FBN3: variants seen among roughly 807,000 people sequenced by gnomAD.
The protein encoded by FBN3 is fibrillin 3.
In FBN3, 234 loss-of-function variants were observed where a neutral mutation model predicts 330.1. The ratio of observed to expected loss-of-function variants is 0.71; its 90% CI spans 0.64 to 0.79. The LOEUF (loss-of-function observed/expected upper bound fraction) is 0.79. Among genes scored for constraint, FBN3 ranks in the 30% least tolerant of loss-of-function variants. The probability of loss-of-function intolerance (pLI) is 0.00; values close to 1 mark genes in which losing one functional copy is unlikely to be tolerated. For synonymous variants in FBN3, 1,458 were observed against 1,517.3 expected, an observed-to-expected ratio of 0.96 and a Z score of 0.91; for missense variants, 3,606 against 3,886.9, an observed-to-expected ratio of 0.93 and a Z score of 1.92.
Position 8,129,187 on chromosome 19 carries a change from G to A in FBN3, c.2171-34C>T, listed in dbSNP as rs1366306595. ...TGGGGGTGGGAGAGAGGGGTGAGGG[G>A]TCTGCAGTGGGAGAGGCTGCCCACA... On this transcript the variant is annotated intron_variant, in intron 17 of 63. Transcript: ENST00000600128. This position sits in a 1 kb window ranked among gnomAD's most constrained non-coding sequence, Gnocchi z 4.5. 6.2e-7 allele frequency: 1 copy of A among 1,611,962 alleles called. No individual in the cohort carries two copies. Among genetic ancestry groups the A allele is most frequent in the African/African-American group, 1.3e-5 (1 of 74,880 alleles).
chr19:8,115,270 A>T (rs981732466), intron 30 of FBN3, among the ~76,000 whole-genome samples: 2 of 152,216 alleles, frequency 1.3e-5, no homozygotes, highest in African/African-American at 4.8e-5. Context: ...GCATCAAATT[A>T]TGAGGGATTC....
intron 55 of FBN3, 124 bp from the exon 56 acceptor site, chr19:8,085,693 T>G: frequency 5.7e-6 from 4 of 696,594 alleles, no homozygotes; most frequent in Middle Eastern, 3.9e-4. Context: ...CAGGAGGGAG[T>G]TGGATACACA....
At chr19:8,111,485 G>T (rs528992684) in intron 32 of FBN3, among the ~76,000 whole-genome samples, 163 bp downstream of exon 32, 2 of 152,110 alleles carry the variant, frequency 1.3e-5, no homozygotes, top group African/African-American at 2.4e-5. Flanking sequence ...CCGTGGGCAG[G>T]CCGCAGCACC....
chr19:8,075,374 A>G lies in FBN3; in HGVS notation c.7491T>C (p.Gly2497=). 2 of 1,614,092 alleles carry G rather than the reference A, an allele frequency of 1.2e-6. No homozygotes were observed. Among genetic ancestry groups the G allele is most frequent in the South Asian group, 2.2e-5 (2 of 91,088 alleles). Residue 2497 remains glycine (G), a synonymous_variant, in exon 60 of 64, where the codon GGT becomes GGC. Coordinates refer to ENST00000600128, the MANE Select transcript of FBN3 (RefSeq NM_032447.5). ...DECSAQPGPC[G]AHGHCHNTPG... Reference sequence around the variant, plus strand: ...GGGTGTTGTGGCAGTGCCCGTGGGCACCACATGGGCCAGGCTGGGCTGAGC... The same window carrying G: ...GGGTGTTGTGGCAGTGCCCGTGGGCGCCACATGGGCCAGGCTGGGCTGAGC...
intron 41 of FBN3, among the ~76,000 whole-genome samples, chr19:8,099,571 C>T (rs1282816623): frequency 1.3e-5 from 2 of 151,932 alleles, no homozygotes; most frequent in East Asian, 1.9e-4. Flanking sequence ...TGAGCCACCA[C>T]GCCCGGCCGC....
chr19:8,106,869 T>C (rs935721614), intron 37 of FBN3, among the ~76,000 whole-genome samples: 5 of 149,806 alleles, frequency 3.3e-5, no homozygotes, highest in African/African-American at 1.2e-4. Context: ...GATGGATGGA[T>C]GTATTGAGGA....
intron 29 of FBN3, among the ~76,000 whole-genome samples, chr19:8,115,989 C>A (rs1203037385): frequency 6.6e-6 from 1 of 152,098 alleles, no homozygotes; most frequent in Non-Finnish European, 1.5e-5. Context: ...TGCCAATATG[C>A]ACAGTGGGTC....
rs1020413509 is a variant in FBN3, at chr19:8,142,152, G to A, written c.542-15C>T. The A allele has an allele frequency of 1.9e-6, 3 of 1,591,678 alleles. No individual in the cohort carries two copies. The highest frequency in any genetic ancestry group is 1.7e-5 in the Admixed American group (1 of 58,836). ...CGTCCGGTAATCTGCAGGGCAGACA[G>A]ATGTGGGTACCTGGCTGAGGGCTGC... On this transcript the variant is annotated splice_polypyrimidine_tract_variant and intron_variant, in intron 6 of 63. Transcript: ENST00000600128.
intron 16 of FBN3, among the ~76,000 whole-genome samples, chr19:8,130,632 G>GA (rs1209641703): frequency 5.2e-4 from 1 of 1,936 alleles, no homozygotes; most frequent in Admixed American, 2.6e-3. Context: ...AAGAAAGAAA[G>GA]AAAGAAAGAA....
In FBN3 at chr19:8,131,530, G is replaced by A. The variant is rs199539738; in HGVS notation, c.1990+24C>T. On this transcript the variant is annotated intron_variant, in intron 15 of 63. Coordinates refer to ENST00000600128, the MANE Select transcript of FBN3 (RefSeq NM_032447.5). This position sits in a 1 kb window ranked among gnomAD's most constrained non-coding sequence, Gnocchi z 4.5. ...AGGCATTCAGACCAAGGAGGCGATG[G>A]GGACCGGGCAGCCGGATGCTCACCG... 3.2e-4 allele frequency: 499 copies of A among 1,584,056 alleles called. 7 individuals are homozygous for A. The East Asian group carries it at 0.01, about 32-fold the overall frequency.
intron 24 of FBN3, 148 bp downstream of exon 24, chr19:8,123,316 T>C: frequency 1.2e-6 from 1 of 852,116 alleles, no homozygotes; most frequent in Non-Finnish European, 1.7e-6. Flanking sequence ...ATCGTGCCAT[T>C]GCACTCCAGC....
Position 8,097,332 on chromosome 19 carries a change from G to T in FBN3, c.5244C>A (p.Cys1748Ter). 1 of 1,609,976 alleles carries T rather than the reference G, an allele frequency of 6.2e-7. No homozygotes were observed. The highest frequency in any genetic ancestry group is 8.5e-7 in the Non-Finnish European group (1 of 1,177,422). Residue 1748 changes from cysteine (C) to a stop codon, truncating the protein, a stop_gained, in exon 42 of 64, where the codon TGC (cysteine) becomes TGA (stop). Coordinates refer to ENST00000600128, the MANE Select transcript of FBN3 (RefSeq NM_032447.5). LOFTEE classifies it high-confidence loss of function. ...TGCTGTTGTAGTTGAAGCCTGCGGG[G>T]CACTCGCAGCGGAAACTCCCGATCT... Reference protein sequence around the residue: ...INQIGSFRCECPAGFNYNSIL... With the variant: ...INQIGSFRCE
chr19:8,137,385 TGGAGCCTAGATCCCTCCAACC>T (rs1268163469), intron 10 of FBN3, among the ~76,000 whole-genome samples: 3 of 151,888 alleles, frequency 2.0e-5, no homozygotes, highest in Non-Finnish European at 4.4e-5. Flanking sequence ...CCCTCCAACC[TGGAGCCTAGATCCCTCCAACC>T]TGGGGCCTAG....
chr19:8,110,557 G>A (rs1287277756), intron 34 of FBN3, among the ~76,000 whole-genome samples: 1 of 152,178 alleles, frequency 6.6e-6, no homozygotes, highest in Non-Finnish European at 1.5e-5. Flanking sequence ...TGACTGTGTG[G>A]CCTGCAAAGC....
In FBN3 at chr19:8,081,123, C is replaced by A; in HGVS notation, c.7337-4G>T. 6.2e-7 allele frequency: 1 copy of A among 1,611,806 alleles called. No homozygotes were observed. On this transcript the variant is annotated splice_region_variant and splice_polypyrimidine_tract_variant and intron_variant, in intron 58 of 63. Transcript: ENST00000600128. ...CGGGAGGTGCATTCGTCCAGGTCTGCAGCACGGATGGTCCAGCAGGCTCAG... is the reference window on the plus strand; with the variant it reads ...CGGGAGGTGCATTCGTCCAGGTCTGAAGCACGGATGGTCCAGCAGGCTCAG...
intron 53 of FBN3, 149 bp downstream of exon 53, chr19:8,087,676 G>C: frequency 3.4e-6 from 2 of 579,784 alleles, no homozygotes; most frequent in Non-Finnish European, 6.1e-6. Flanking sequence ...GCATGATCTC[G>C]GCTCACTGCA....
chr19:8,087,017 C>T (rs2081978157), intron 54 of FBN3, 60 bp downstream of exon 54: 1 of 1,570,112 alleles, frequency 6.4e-7, no homozygotes, highest in Non-Finnish European at 8.6e-7. Flanking sequence ...AACCCTCTTG[C>T]TTTGACCTCT....
At chr19:8,075,897 G>A (rs771893351) in intron 59 of FBN3, among the ~76,000 whole-genome samples, 3 of 152,152 alleles carry the variant, frequency 2.0e-5, no homozygotes, top group African/African-American at 4.8e-5. Flanking sequence ...GAGGTCAGCC[G>A]GTGCCATGGA....
chr19:8,075,208 G>A lies in FBN3; in HGVS notation c.7583-18C>T. On this transcript the variant is annotated intron_variant, in intron 60 of 63. Coordinates refer to ENST00000600128, the MANE Select transcript of FBN3 (RefSeq NM_032447.5). ...ATTCACATCTGAGACATAGAGAGAGGGAGAGAGGGTTTACCAGACGGCTCT... is the reference window on the plus strand; with the variant it reads ...ATTCACATCTGAGACATAGAGAGAGAGAGAGAGGGTTTACCAGACGGCTCT... 1 of 1,570,824 alleles carries A rather than the reference G, an allele frequency of 6.4e-7. No homozygotes were observed. The highest frequency in any genetic ancestry group is 8.7e-7 in the Non-Finnish European group (1 of 1,154,362).
Sources: allele counts gnomAD v4.1 joint callset (sites outside exome capture counted in the v4.1 genomes callset), GRCh38; gene constraint gnomAD v4.1.1; non-coding constraint Gnocchi (gnomAD v3.1); transcripts MANE v1.5; gene names NCBI Gene and HGNC (gene_info 2026-07-23, HGNC 2026-07-21).